PCDH11X: variants seen among roughly 807,000 people sequenced by gnomAD.
PCDH11X encodes protocadherin-11 X-linked.
PCDH11X carries 18 observed loss-of-function variants against 53.3 expected under a neutral mutation model. The ratio of observed to expected loss-of-function variants is 0.34; its 90% CI spans 0.23 to 0.50. The LOEUF is 0.50. Among genes scored for constraint, PCDH11X ranks in the 20% least tolerant of loss-of-function variants. PCDH11X has a pLI of 0.98. For missense variants in PCDH11X, 570 were observed against 1,032.4 expected (o/e 0.55, Z 6.14); for synonymous variants, 279 against 393.3 (o/e 0.71, Z 3.44).
intron 6 of PCDH11X, among the ~76,000 whole-genome samples, chrX:91,919,900 A>G (rs939022004): frequency 1.8e-5 from 2 of 111,692 alleles, no homozygotes; most frequent in Non-Finnish European, 3.8e-5. Context: ...TCATAAATTA[A>G]CGTTCAGATA....
chrX:92,278,137 G>T (rs1395739377), intron 8 of PCDH11X, among the ~76,000 whole-genome samples: 1 of 109,324 alleles, frequency 9.1e-6, no homozygotes. Context: ...AGAGATTGAA[G>T]TGTGGTTCCA....
intron 10 of PCDH11X, among the ~76,000 whole-genome samples, chrX:92,525,518 C>A (rs2074434218): frequency 9.3e-6 from 1 of 107,527 alleles, no homozygotes; most frequent in Non-Finnish European, 1.9e-5. Flanking sequence ...GTAATCCCAG[C>A]TACATGGGTG....
intron 4 of PCDH11X, among the ~76,000 whole-genome samples, chrX:91,822,805 G>A (rs1232594035): frequency 1.8e-5 from 2 of 111,234 alleles, no homozygotes; most frequent in Non-Finnish European, 3.8e-5. Flanking sequence ...TCTCTTGTGG[G>A]CATTTAGTGC....
At position 92,000,578 on chromosome X, in the gene PCDH11X, A is replaced by G. The variant is rs2062493043; in HGVS notation, c.3033+121305A>G. ...GCACTTATCCTTCAAGTTACAAACA[A>G]TCCAATTAAAAATTTTAAGTTATTT... is the stretch of plus-strand genomic sequence containing the variant. On this transcript the variant is annotated intron_variant, in intron 6 of 10. Transcript: ENST00000682573. Among the ~76,000 whole-genome samples, 3 of 107,886 alleles carry G rather than the reference A, an allele frequency of 2.8e-5. No homozygotes were observed. The South Asian group carries it at 1.2e-3, about 45-fold the overall frequency. The allele number at this position is 107,886 out of a possible 115,157, so 93.7% of individuals were successfully genotyped here.
intron 6 of PCDH11X, among the ~76,000 whole-genome samples, chrX:92,144,367 C>T (rs939758641): frequency 9.1e-6 from 1 of 110,239 alleles, no homozygotes; most frequent in African/African-American, 3.4e-5. Context: ...AGAATTCCCA[C>T]GTGTTGTGCG....
rs769871820 is a variant in PCDH11X at position 92,050,761 on chromosome X, C to A, written c.3034-150614C>A. Among the ~76,000 whole-genome samples, 67 of 109,888 alleles carry A rather than the reference C, an allele frequency of 6.1e-4. No individual in the cohort carries two copies. The East Asian group carries it at 0.014, about 22-fold the overall frequency. The stretch of plus-strand genomic sequence containing the variant: ...TAGCAGACAGAGTTAACGAATAATA[C>A]ATATTTTTAATAAAACTAAATGTTC... On this transcript the variant is annotated intron_variant, in intron 6 of 10. Transcript: ENST00000682573.
At chrX:92,402,706 A>G (rs1162818306) in intron 9 of PCDH11X, among the ~76,000 whole-genome samples, 2 of 111,202 alleles carry the variant, frequency 1.8e-5, no homozygotes, top group Non-Finnish European at 3.8e-5. Context: ...TCCATTCTCG[A>G]CATAGGAACT....
chrX:91,841,434 C>T (rs914545413), intron 5 of PCDH11X, among the ~76,000 whole-genome samples: 1 of 111,466 alleles, frequency 9.0e-6, no homozygotes, highest in African/African-American at 3.3e-5. Flanking sequence ...GATCTACTCA[C>T]ATCATGCCTC....
chrX:92,298,983 C>T (rs1434195236), intron 8 of PCDH11X, among the ~76,000 whole-genome samples: 2 of 111,512 alleles, frequency 1.8e-5, no homozygotes, highest in Non-Finnish European at 3.8e-5. Flanking sequence ...GTCCTGAAGA[C>T]CTTCCTCTGG....
chrX:91,976,525 T>C (rs868413120), intron 6 of PCDH11X, among the ~76,000 whole-genome samples: 63 of 111,489 alleles, frequency 5.7e-4, no homozygotes, highest in Middle Eastern at 9.2e-3. Context: ...TTTCCTAATC[T>C]CTCTTCACAA....
intron 6 of PCDH11X, among the ~76,000 whole-genome samples, chrX:91,978,748 G>T (rs903456842): frequency 1.8e-5 from 2 of 112,398 alleles, no homozygotes; most frequent in African/African-American, 6.4e-5. Flanking sequence ...TTTTTGAGAT[G>T]GTGATAAAGA....
At chrX:92,116,464 C>T (rs982488093) in intron 6 of PCDH11X, among the ~76,000 whole-genome samples, 2 of 112,388 alleles carry the variant, frequency 1.8e-5, no homozygotes, top group African/African-American at 6.5e-5. Context: ...AATATTAATA[C>T]ATTAGCATTA....
At chrX:92,552,373 T>A (rs1056005208) in intron 10 of PCDH11X, among the ~76,000 whole-genome samples, 2 of 108,110 alleles carry the variant, frequency 1.8e-5, no homozygotes, top group Non-Finnish European at 3.9e-5. Context: ...AAAATACTAC[T>A]GCATGTTAAT....
intron 7 of PCDH11X, among the ~76,000 whole-genome samples, chrX:92,228,532 C>T (rs1335310564): frequency 9.0e-6 from 1 of 111,131 alleles, no homozygotes; most frequent in Non-Finnish European, 1.9e-5. Context: ...CAGTCAAACC[C>T]GGGTTTCAAT....
intron 8 of PCDH11X, 170 bp from the exon 9 acceptor site, chrX:92,387,565 G>T (rs1277378058): frequency 1.6e-6 from 1 of 623,580 alleles, no homozygotes; most frequent in East Asian, 1.7e-4. Context: ...AGGTGAAGAA[G>T]GTTTGAACAC....
intron 8 of PCDH11X, among the ~76,000 whole-genome samples, chrX:92,352,202 C>A (rs778517552): frequency 5.4e-5 from 6 of 111,223 alleles, no homozygotes; most frequent in African/African-American, 1.6e-4. Flanking sequence ...TAAATGTATT[C>A]CTACAAAAAA....
chrX:91,824,943 G>A (rs1361213724), intron 4 of PCDH11X, among the ~76,000 whole-genome samples: 2 of 108,725 alleles, frequency 1.8e-5, no homozygotes, highest in Non-Finnish European at 3.8e-5. Flanking sequence ...AGTGTGAGGT[G>A]TCAGTGTGCC....
intron 8 of PCDH11X, among the ~76,000 whole-genome samples, chrX:92,264,847 A>T (rs1673972693): frequency 9.3e-6 from 1 of 107,579 alleles, no homozygotes; most frequent in African/African-American, 3.4e-5. Flanking sequence ...CGACATAAGG[A>T]CCAATGGAAA....
chrX:92,393,889 T>C (rs1211332354), intron 9 of PCDH11X, among the ~76,000 whole-genome samples: 1 of 111,595 alleles, frequency 9.0e-6, no homozygotes, highest in Non-Finnish European at 1.9e-5. Flanking sequence ...TAGCAGATGC[T>C]CTGTGACGTA....
Sources: gnomAD v4.1 joint callset for allele counts (sites outside exome capture counted in the v4.1 genomes callset) on GRCh38, gnomAD v4.1.1 for gene constraint, MANE v1.5 for transcripts, NCBI Gene and HGNC (gene_info 2026-07-23, HGNC 2026-07-21) for gene names.